The following MBNL1 variants were observed in gnomAD, a reference collection of about 807,000 sequenced individuals.
The protein encoded by MBNL1 is muscleblind-like protein 1.
MBNL1 carries 8 observed loss-of-function variants against 42.2 expected under a neutral mutation model. The observed-to-expected ratio is 0.19, with a 90% CI of 0.11 to 0.34. The LOEUF is 0.34. MBNL1 is among the 10% of genes least tolerant of loss of function. The pLI, the probability that MBNL1 is intolerant of heterozygous loss-of-function variation, is 1.00. For missense variants in MBNL1, 309 were observed against 495.3 expected, an observed-to-expected ratio of 0.62 and a Z score of 3.57; for synonymous variants, 169 against 173.9, an observed-to-expected ratio of 0.97 and a Z score of 0.22.
At chr3:152,348,883 C>T (rs188133482) in intron 2 of MBNL1, among the ~76,000 whole-genome samples, 1 of 152,036 alleles carries the variant, frequency 6.6e-6, no homozygotes, top group African/African-American at 2.4e-5. Context: ...AGGCACTGGA[C>T]TTGATATGAT....
chr3:152,432,150 T>TA (rs1242379476), intron 3 of MBNL1, among the ~76,000 whole-genome samples: 2 of 152,232 alleles, frequency 1.3e-5, no homozygotes, highest in Non-Finnish European at 2.9e-5. Flanking sequence ...CACTTTATCT[T>TA]ATGTGCTCAA....
At chr3:152,439,358 G>A (rs1206283783) in intron 4 of MBNL1, among the ~76,000 whole-genome samples, 2 of 152,108 alleles carry the variant, frequency 1.3e-5, no homozygotes, top group African/African-American at 4.8e-5. Flanking sequence ...TTAACATGAT[G>A]GGATAAAAGA....
At chr3:152,340,591 C>T in intron 2 of MBNL1, 1 of 1,613,984 alleles carries the variant, frequency 6.2e-7, no homozygotes, top group Non-Finnish European at 8.5e-7. Context: ...ACCATACATA[C>T]TTCCAAGTTT....
At chr3:152,455,803 A>G (rs1732478358) in intron 7 of MBNL1, among the ~76,000 whole-genome samples, 2 of 152,190 alleles carry the variant, frequency 1.3e-5, no homozygotes, top group South Asian at 4.1e-4. Flanking sequence ...TTTTGATTGG[A>G]CTATGAGTTC....
intron 2 of MBNL1, among the ~76,000 whole-genome samples, chr3:152,401,761 C>A (rs2098231652): frequency 6.6e-6 from 1 of 152,152 alleles, no homozygotes; most frequent in Admixed American, 6.5e-5. Context: ...CGTGGTGGCT[C>A]ACGCCTGTAA....
intron 1 of MBNL1, among the ~76,000 whole-genome samples, chr3:152,286,167 A>G (rs1159537157): frequency 1.3e-5 from 2 of 151,016 alleles, no homozygotes; most frequent in Admixed American, 6.6e-5. Context: ...AATTCCAAGG[A>G]CTAGGTTTTT....
intron 8 of MBNL1, 146 bp from the exon 9 acceptor site, chr3:152,459,125 A>G: frequency 2.3e-6 from 1 of 439,688 alleles, no homozygotes; most frequent in Non-Finnish European, 4.1e-6. Flanking sequence ...GTTTACATTA[A>G]CTTACTGTTA....
intron 1 of MBNL1, among the ~76,000 whole-genome samples, chr3:152,297,151 T>C (rs2058844936): frequency 6.6e-6 from 1 of 152,016 alleles, no homozygotes; most frequent in South Asian, 2.1e-4. Flanking sequence ...TTGTTGACCA[T>C]GCAGGTGGTC....
chr3:152,298,851 A>G (rs539432278), intron 1 of MBNL1: 5 of 152,348 alleles, frequency 3.3e-5, no homozygotes, highest in Non-Finnish European at 5.9e-5. Context: ...GTCCCTGCGC[A>G]GAGCCGGAGG....
intron 1 of MBNL1, among the ~76,000 whole-genome samples, chr3:152,270,302 C>A (rs114805138): frequency 1.3e-5 from 2 of 152,138 alleles, no homozygotes; most frequent in African/African-American, 4.8e-5. Context: ...TAAATTAATA[C>A]GCTAGGAGAG....
chr3:152,328,674 G>A (rs2082079280), intron 2 of MBNL1, among the ~76,000 whole-genome samples: 1 of 152,138 alleles, frequency 6.6e-6, no homozygotes, highest in African/African-American at 2.4e-5. Flanking sequence ...ATCTTTAAAA[G>A]GAGTGATATT....
intron 2 of MBNL1, among the ~76,000 whole-genome samples, chr3:152,254,751 C>A (rs1251115446): frequency 2.0e-5 from 3 of 151,980 alleles, no homozygotes; most frequent in African/African-American, 4.8e-5. Context: ...AAGTTAGTAA[C>A]AATAATAGCT....
chr3:152,390,936 GA>G (rs2097690794), intron 2 of MBNL1, among the ~76,000 whole-genome samples: 2 of 152,162 alleles, frequency 1.3e-5, no homozygotes, highest in Non-Finnish European at 2.9e-5. Flanking sequence ...AGCGAGACTA[GA>G]AAACTTTCAT....
chr3:152,438,988 GCAC>G (rs1221765861), intron 4 of MBNL1, among the ~76,000 whole-genome samples: 1 of 152,154 alleles, frequency 6.6e-6, no homozygotes, highest in Non-Finnish European at 1.5e-5. Flanking sequence ...TTGGTTAGCT[GCAC>G]CATTTTTACA....
intron 3 of MBNL1, among the ~76,000 whole-genome samples, chr3:152,422,750 T>G (rs1246297816): frequency 6.6e-6 from 1 of 152,210 alleles, no homozygotes; most frequent in East Asian, 1.9e-4. Flanking sequence ...AAACAGTCTC[T>G]CAGACCACAG....
At chr3:152,279,028 G>A (rs2046899821) in intron 1 of MBNL1, among the ~76,000 whole-genome samples, 1 of 152,132 alleles carries the variant, frequency 6.6e-6, no homozygotes. Flanking sequence ...ATGCTGTGGG[G>A]AAGAGGGGGC....
chr3:152,418,210 A>G (rs1200564608), intron 3 of MBNL1, among the ~76,000 whole-genome samples: 1 of 152,210 alleles, frequency 6.6e-6, no homozygotes, highest in African/African-American at 2.4e-5. Flanking sequence ...AAATTTAGAG[A>G]TAGACTGAGA....
chr3:152,320,307 G>A (rs1454875734), intron 2 of MBNL1, among the ~76,000 whole-genome samples: 1 of 152,130 alleles, frequency 6.6e-6, no homozygotes. Context: ...TCCTTCATTT[G>A]TGATAGGACT....
intron 4 of MBNL1, among the ~76,000 whole-genome samples, chr3:152,434,202 C>T (rs904451603): frequency 1.3e-5 from 2 of 152,170 alleles, no homozygotes; most frequent in Non-Finnish European, 2.9e-5. Context: ...CTCCCCTCTC[C>T]CACCATCCAC....
Sources: gnomAD v4.1 joint callset for allele counts (sites outside exome capture counted in the v4.1 genomes callset) on GRCh38, gnomAD v4.1.1 for gene constraint, MANE v1.5 for transcripts, NCBI Gene and HGNC (gene_info 2026-07-23, HGNC 2026-07-21) for gene names.